KCNK9: variants seen among roughly 807,000 people sequenced by gnomAD.
The protein encoded by KCNK9 is potassium two pore domain channel subfamily K member 9.
In KCNK9, 1 loss-of-function variant was observed where a neutral mutation model predicts 10.8. The ratio of observed to expected loss-of-function variants is 0.09; its 90% CI spans 0.03 to 0.44. KCNK9 has a LOEUF of 0.44. Ranked by LOEUF, KCNK9 falls within the 20% of genes least tolerant of loss-of-function variation. The pLI is 0.97. For synonymous variants in KCNK9, 231 were observed against 222.7 expected, an observed-to-expected ratio of 1.04 and a Z score of -0.33; for missense variants, 303 against 515.0, an observed-to-expected ratio of 0.59 and a Z score of 3.98.
Position 139,617,628 on chromosome 8 carries a change from C to A in KCNK9, c.*630G>T, listed in dbSNP as rs544657565. ...GCTTAATGAAACATGCTTGATTTGG[C>A]AAAATACGATAAATCAAAAACCTTG... On this transcript the variant is annotated 3_prime_UTR_variant, in exon 2 of 2. Transcript: ENST00000520439. Among the ~76,000 whole-genome samples, 65 of 152,256 alleles carry A rather than the reference C, an allele frequency of 4.3e-4. No individual in the cohort carries two copies. Among genetic ancestry groups the A allele is most frequent in the African/African-American group, 1.5e-3 (61 of 41,542 alleles).
At chr8:139,682,430 T>G (rs908559068) in intron 1 of KCNK9, among the ~76,000 whole-genome samples, 9 of 152,132 alleles carry the variant, frequency 5.9e-5, no homozygotes, top group Admixed American at 3.3e-4. Context: ...GGTGCTGAAC[T>G]GGCGGGAGCC....
At chr8:139,645,206 G>A (rs370339800) in intron 1 of KCNK9, among the ~76,000 whole-genome samples, 11 of 152,346 alleles carry the variant, frequency 7.2e-5, no homozygotes, top group South Asian at 2.1e-4. Context: ...CTGTGGGCCC[G>A]AGGAAGACCC....
intron 1 of KCNK9, among the ~76,000 whole-genome samples, chr8:139,662,424 G>A (rs1207846504): frequency 6.6e-6 from 1 of 152,154 alleles, no homozygotes; most frequent in Admixed American, 6.5e-5. Context: ...TTTATGCTGA[G>A]CTGTACATGG....
Position 139,652,757 on chromosome 8 carries a change from C to G in KCNK9, c.284-33658G>C, listed in dbSNP as rs1815906206. Reference sequence around the variant, plus strand: ...ATAAATACACAGAGCACTGTGCAGCCAAACGCTGTCAGCTACTGGCTGCGG... The same window carrying G: ...ATAAATACACAGAGCACTGTGCAGCGAAACGCTGTCAGCTACTGGCTGCGG... On this transcript the variant is annotated intron_variant, in intron 1 of 1. Transcript: ENST00000520439. 3.3e-5 allele frequency among the ~76,000 whole-genome samples: 5 copies of G among 152,324 alleles called. No homozygotes were observed. In the South Asian group the frequency reaches 1.0e-3, roughly 32 times the overall value.
At position 139,617,134 on chromosome 8, in the gene KCNK9, A is replaced by G. The variant is rs1237077231; in HGVS notation, c.*1124T>C. The G allele has an allele frequency of 1.3e-5, 2 of 152,200 alleles. No individual in the cohort carries two copies. The highest frequency in any genetic ancestry group is 3.8e-4 in the East Asian group (2 of 5,206). 9.4% of individuals were successfully genotyped at this position (152,200 alleles called of 1,614,324 possible). A position where few individuals can be genotyped will look rare whatever the true frequency, so the allele number is the denominator to read the frequency against. On this transcript the variant is annotated 3_prime_UTR_variant, in exon 2 of 2. Transcript: ENST00000520439. The stretch of plus-strand genomic sequence containing the variant: ...TTAGAGACGATATTTCTTGAAATAG[A>G]TATGTATTTTTAATGAGGAATGCCC...
At chr8:139,660,964 C>G (rs905344021) in intron 1 of KCNK9, among the ~76,000 whole-genome samples, 8 of 152,166 alleles carry the variant, frequency 5.3e-5, no homozygotes, top group African/African-American at 1.7e-4. Flanking sequence ...TTGTGACAGG[C>G]ACCAGCACCT....
intron 1 of KCNK9, among the ~76,000 whole-genome samples, chr8:139,694,075 T>C (rs1056455176): frequency 6.6e-6 from 1 of 152,128 alleles, no homozygotes; most frequent in Admixed American, 6.5e-5. Flanking sequence ...TTTCCATCTC[T>C]GAGGAGCATT....
intron 1 of KCNK9, among the ~76,000 whole-genome samples, chr8:139,642,077 T>C (rs1446263057): frequency 6.6e-6 from 1 of 152,094 alleles, no homozygotes; most frequent in African/African-American, 2.4e-5. Flanking sequence ...TCCAAGATAG[T>C]CTAGAACAGA....
chr8:139,622,618 C>T (rs978490220), intron 1 of KCNK9, among the ~76,000 whole-genome samples: 1 of 152,218 alleles, frequency 6.6e-6, no homozygotes, highest in Non-Finnish European at 1.5e-5. Context: ...TGCTTCCCCC[C>T]AAACCTGCCT....
intron 1 of KCNK9, among the ~76,000 whole-genome samples, chr8:139,691,665 T>C (rs1816935485): frequency 6.6e-6 from 1 of 152,230 alleles, no homozygotes; most frequent in Admixed American, 6.5e-5. Flanking sequence ...TAATTAAGTG[T>C]CCATTCATTC....
At chr8:139,620,225 G>C (rs557476792) in intron 1 of KCNK9, among the ~76,000 whole-genome samples, 13 of 143,666 alleles carry the variant, frequency 9.0e-5, no homozygotes, top group Non-Finnish European at 1.4e-4. Flanking sequence ...CTGGATCATG[G>C]ACAGTGTTTT....
In KCNK9 at chr8:139,618,892, A is replaced by C; in HGVS notation, c.491T>G (p.Phe164Cys). Residue 164 changes from phenylalanine (F) to cysteine (C), a missense_variant, in exon 2 of 2, where the codon TTC becomes TGC. Coordinates refer to ENST00000520439, the MANE Select transcript of KCNK9 (RefSeq NM_001282534.2). This position sits in a 1 kb window ranked among gnomAD's most constrained non-coding sequence, Gnocchi z 7.9. ...VSMENMVTVG[F>C]FSCMGTLCIG... is the part of the protein sequence containing the mutation. ...GCACAGCGTCCCCATGCAGGAGAAG[A>C]AGCCCACAGTCACCATGTTCTCCAT... The C allele has an allele frequency of 6.2e-7, 1 of 1,614,208 alleles. No homozygotes were observed. The highest frequency in any genetic ancestry group is 1.1e-5 in the South Asian group (1 of 91,084).
At chr8:139,660,330 T>G (rs913052264) in intron 1 of KCNK9, among the ~76,000 whole-genome samples, 2 of 151,928 alleles carry the variant, frequency 1.3e-5, no homozygotes, top group African/African-American at 4.8e-5. Context: ...ATAGGCCCAG[T>G]GTGGTGGCTC....
intron 2 of KCNK9, among the ~76,000 whole-genome samples, chr8:139,605,010 G>A (rs527868170): frequency 5.9e-5 from 9 of 152,204 alleles, no homozygotes; most frequent in Non-Finnish European, 8.8e-5. Flanking sequence ...CTAAGGGCAC[G>A]ACCCAGAAAC....
downstream of KCNK9, chr8:139,611,368 C>G (rs919538827): frequency 6.6e-6 from 1 of 152,332 alleles, no homozygotes; most frequent in Non-Finnish European, 1.5e-5. Flanking sequence ...CCTAGGCGTG[C>G]GAGATGCCAG....
At chr8:139,666,419 C>A (rs916668268) in intron 1 of KCNK9, among the ~76,000 whole-genome samples, 4 of 152,232 alleles carry the variant, frequency 2.6e-5, no homozygotes, top group Non-Finnish European at 5.9e-5. Context: ...AGGAGCCTCT[C>A]GGGTTTAAAT....
intron 1 of KCNK9, among the ~76,000 whole-genome samples, chr8:139,696,487 A>C (rs1432771860): frequency 6.6e-6 from 1 of 152,238 alleles, no homozygotes; most frequent in Admixed American, 6.5e-5. Flanking sequence ...TTGAGGCATT[A>C]ACACTGAGGC....
downstream of KCNK9, among the ~76,000 whole-genome samples, chr8:139,610,448 TTAGTTTCATGC>T (rs992997813): frequency 3.0e-4 from 45 of 152,210 alleles, no homozygotes; most frequent in Non-Finnish European, 3.2e-4. Context: ...TTTCCTTTTG[TTAGTTTCATGC>T]TAGTCTTTGG....
intron 1 of KCNK9, among the ~76,000 whole-genome samples, chr8:139,649,939 G>T (rs190547983): frequency 3.2e-4 from 49 of 152,320 alleles, no homozygotes; most frequent in African/African-American, 1.1e-3. Flanking sequence ...AAAGAGGTGG[G>T]TGTGGGAGGG....
Sources: allele counts gnomAD v4.1 joint callset (sites outside exome capture counted in the v4.1 genomes callset), GRCh38; gene constraint gnomAD v4.1.1; non-coding constraint Gnocchi (gnomAD v3.1); transcripts MANE v1.5; gene names NCBI Gene and HGNC (gene_info 2026-07-23, HGNC 2026-07-21).